HERC2: variants seen among roughly 807,000 people sequenced by gnomAD.
HERC2 encodes the protein HECT and RLD domain containing E3 ubiquitin protein ligase 2.
A neutral mutation model predicts 537.7 loss-of-function variants in HERC2; 102 were observed. The observed-to-expected ratio is 0.19, with a 90% CI of 0.16 to 0.22. The LOEUF (loss-of-function observed/expected upper bound fraction) is 0.22. Among genes scored for constraint, HERC2 ranks in the 10% least tolerant of loss-of-function variants. The pLI, the probability that HERC2 is intolerant of heterozygous loss-of-function variation, is 1.00. For missense variants in HERC2, 4,236 were observed against 6,198.2 expected, an observed-to-expected ratio of 0.68 and a Z score of 10.63; for synonymous variants, 2,224 against 2,466.2, an observed-to-expected ratio of 0.90 and a Z score of 2.91.
intron 4 of HERC2, among the ~76,000 whole-genome samples, chr15:28,282,824 C>T (rs1296440882): frequency 6.6e-6 from 1 of 151,722 alleles, no homozygotes; most frequent in South Asian, 2.1e-4. Flanking sequence ...CCCAGCTACT[C>T]GAGAGGCTGA....
intron 85 of HERC2, 33 bp from the exon 86 acceptor site, chr15:28,121,462 C>A (rs770996567): frequency 6.6e-7 from 1 of 1,524,478 alleles, no homozygotes; most frequent in Non-Finnish European, 9.1e-7. Flanking sequence ...AATTTAGAAT[C>A]TGATATGGAA....
rs535037432 is a variant in HERC2 at position 28,230,288 on chromosome 15, T to C, written c.4809+79A>G. 2.2e-5 allele frequency: 32 copies of C among 1,434,898 alleles called. 2 individuals are homozygous for C. The African/African-American group carries it at 4.2e-4, about 19-fold the overall frequency. 88.9% of individuals were successfully genotyped at this position (1,434,898 alleles called of 1,614,324 possible). A position where few individuals can be genotyped will look rare whatever the true frequency, so the allele number is the denominator to read the frequency against. On this transcript the variant is annotated intron_variant, in intron 31 of 92. Transcript: ENST00000261609. ...ACCGCCCGTCCCTCCCTCCAGATGCTCAGGACAAGACTGTGGATTCCTGTG... is the reference window on the plus strand; with the variant it reads ...ACCGCCCGTCCCTCCCTCCAGATGCCCAGGACAAGACTGTGGATTCCTGTG...
chr15:28,242,780 A>G (rs1903258142), intron 23 of HERC2, among the ~76,000 whole-genome samples: 1 of 152,238 alleles, frequency 6.6e-6, no homozygotes, highest in South Asian at 2.1e-4. Flanking sequence ...TCAGTAATTC[A>G]CACATTAATA....
chr15:28,165,520 G>C (rs368812828), intron 68 of HERC2, among the ~76,000 whole-genome samples: 1 of 152,008 alleles, frequency 6.6e-6, no homozygotes, highest in Admixed American at 6.6e-5. Flanking sequence ...GGCCAAACAC[G>C]GTGGCTCATG....
Position 28,228,376 on chromosome 15 carries a change from T to C in HERC2, c.5306A>G (p.Asn1769Ser), listed in dbSNP as rs753899704. 18 of 1,612,048 alleles carry C rather than the reference T, an allele frequency of 1.1e-5. 1 individual carries two copies. The South Asian group carries it at 1.2e-4, about 11-fold the overall frequency. ...IQPVPLQTIT[N>S]ENPSGPSLGT... ...CAGGCTCGGTCCTGACGGGTTCTCA[T>C]TGGTGATGGTTTGCAGGGGAACCGG... Residue 1769 changes from asparagine to serine, a missense_variant, in exon 35 of 93, where the codon AAT becomes AGT. Coordinates refer to ENST00000261609, the MANE Select transcript of HERC2 (RefSeq NM_004667.6).
At chr15:28,253,222 G>C (rs1446466338) in intron 20 of HERC2, among the ~76,000 whole-genome samples, 2 of 152,170 alleles carry the variant, frequency 1.3e-5, no homozygotes, top group Non-Finnish European at 2.9e-5. Context: ...CTGTTCACAG[G>C]CTGACTCTGA....
At chr15:28,301,735 GTATATATATA>G (rs55977156) in intron 2 of HERC2, among the ~76,000 whole-genome samples, 658 of 35,376 alleles carry the variant, frequency 0.019, 35 homozygotes, top group East Asian at 0.094. Context: ...GTATGTATGT[GTATATATATA>G]TATATATATA....
At chr15:28,149,366 G>T (rs1432648618) in intron 70 of HERC2, among the ~76,000 whole-genome samples, 1 of 144,468 alleles carries the variant, frequency 6.9e-6, no homozygotes, top group Admixed American at 6.9e-5. Context: ...AAAAACACAC[G>T]CGGCTCCTAA....
chr15:28,250,990 A>G (rs1395127521), intron 20 of HERC2, among the ~76,000 whole-genome samples: 2 of 152,338 alleles, frequency 1.3e-5, no homozygotes, highest in East Asian at 1.9e-4. Context: ...AATCTGCTGT[A>G]GAACCAATGT....
At chr15:28,292,328 C>A (rs1206542732) in intron 4 of HERC2, among the ~76,000 whole-genome samples, 1 of 151,478 alleles carries the variant, frequency 6.6e-6, no homozygotes, top group Non-Finnish European at 1.5e-5. Context: ...AAAAGATGCT[C>A]AGCATGACTA....
intron 69 of HERC2, among the ~76,000 whole-genome samples, chr15:28,159,143 G>A (rs1342688679): frequency 1.3e-5 from 2 of 152,122 alleles, no homozygotes; most frequent in African/African-American, 2.4e-5. Context: ...TGGGTAACCC[G>A]ACCTTTCTCT....
intron 35 of HERC2, among the ~76,000 whole-genome samples, chr15:28,224,599 T>C (rs192937662): frequency 2.0e-5 from 3 of 152,288 alleles, no homozygotes; most frequent in Admixed American, 6.5e-5. Context: ...GTGACTTTGA[T>C]AACTGGCCCT....
At chr15:28,303,601 T>C (rs1284981280) in intron 2 of HERC2, among the ~76,000 whole-genome samples, 1 of 152,212 alleles carries the variant, frequency 6.6e-6, no homozygotes, top group Non-Finnish European at 1.5e-5. Flanking sequence ...CATTGGTATT[T>C]TGATAGGGAT....
chr15:28,119,745 C>T (rs1185552736), intron 86 of HERC2, among the ~76,000 whole-genome samples: 6 of 152,258 alleles, frequency 3.9e-5, no homozygotes, highest in African/African-American at 1.4e-4. Context: ...TGAGCCACCA[C>T]CAACGACTAA....
chr15:28,233,223 T>C lies in HERC2; in HGVS notation c.4598A>G (p.Lys1533Arg), dbSNP rs1396459916. ...AVCNDLSIMS[K>R]FKLLSSLPRW... ...GGGCAAAGAACTTAACAATTTAAAC[T>C]TAGACATTATAGAGAGGTCATTACA... Residue 1533 changes from lysine (K) to arginine (R), a missense_variant, in exon 30 of 93, where the codon AAG (lysine) becomes AGG (arginine). This residue lies in a region of HERC2 where 343 missense variants were observed against 417.2 expected (regional missense o/e 0.82). Coordinates refer to ENST00000261609, the MANE Select transcript of HERC2 (RefSeq NM_004667.6). The C allele has an allele frequency of 6.2e-7, 1 of 1,609,450 alleles. No homozygotes were observed. The highest frequency in any genetic ancestry group is 2.2e-5 in the East Asian group (1 of 44,880).
Position 28,229,825 on chromosome 15 carries a change from C to T in HERC2, c.4832G>A (p.Ser1611Asn), listed in dbSNP as rs747110968. The change falls in exon 32 of 93, where the codon AGT becomes AAT. Residue 1611 changes from serine (S) to asparagine (N), a missense_variant. Transcript: ENST00000261609. ...SPKDKWQPLL[S>N]TVTGVHKYKW... ...GTATTTGTGAACACCTGTAACAGTACTCAACAGCGGCTGCCATTTGTCCTA... is the reference window on the plus strand; with the variant it reads ...GTATTTGTGAACACCTGTAACAGTATTCAACAGCGGCTGCCATTTGTCCTA... 4 of 1,358,150 alleles carry T rather than the reference C, an allele frequency of 2.9e-6. No homozygotes were observed. Among genetic ancestry groups the T allele is most frequent in the South Asian group, 2.3e-5 (2 of 85,392 alleles). The allele number at this position is 1,358,150 out of a possible 1,614,324, so 84.1% of individuals were successfully genotyped here. A position where few individuals can be genotyped will look rare whatever the true frequency, so the allele number is the denominator to read the frequency against.
intron 83 of HERC2, among the ~76,000 whole-genome samples, chr15:28,125,628 T>A (rs1267491043): frequency 6.6e-6 from 1 of 152,214 alleles, no homozygotes; most frequent in African/African-American, 2.4e-5. Context: ...ACATTCCAAA[T>A]TGCTCTTGCA....
intron 69 of HERC2, among the ~76,000 whole-genome samples, chr15:28,156,136 ACCAGTACCAT>A: frequency 2.0e-5 from 3 of 152,298 alleles, no homozygotes; most frequent in Admixed American, 2.0e-4. Context: ...CTGTTTTGGT[ACCAGTACCAT>A]GCTGTTTTGG....
At chr15:28,238,841 T>C in intron 23 of HERC2, 69 bp from the exon 24 acceptor site, 1 of 1,138,678 alleles carries the variant, frequency 8.8e-7, no homozygotes, top group Non-Finnish European at 1.3e-6. Flanking sequence ...ACAAACTGTG[T>C]GAAAGAACTA....
Sources: gnomAD v4.1 joint callset for allele counts (sites outside exome capture counted in the v4.1 genomes callset) on GRCh38, gnomAD v4.1.1 for gene constraint, gnomAD v4.1.1 regional missense constraint, MANE v1.5 for transcripts, NCBI Gene and HGNC (gene_info 2026-07-23, HGNC 2026-07-21) for gene names.